NEDD9: variants seen among roughly 807,000 people sequenced by gnomAD.
NEDD9 encodes the protein neural precursor cell expressed, developmentally down-regulated 9, also known as enhancer of filamentation 1.
A neutral mutation model predicts 76.6 loss-of-function variants in NEDD9; 26 were observed. The ratio of observed to expected loss-of-function variants is 0.34; its 90% CI spans 0.25 to 0.47. NEDD9 has a LOEUF of 0.47. Ranked by LOEUF, NEDD9 falls within the 20% of genes least tolerant of loss-of-function variation. The pLI is 1.00. For synonymous variants in NEDD9, 392 were observed against 414.2 expected (o/e 0.95, Z 0.65); for missense variants, 937 against 1,058.5 (o/e 0.89, Z 1.59).
intron 3 of NEDD9, among the ~76,000 whole-genome samples, chr6:11,246,196 T>G (rs1325403631): frequency 6.6e-6 from 1 of 152,178 alleles, no homozygotes; most frequent in Non-Finnish European, 1.5e-5. Context: ...TACAGAACAT[T>G]CCAGCAAAAT....
rs1292607287 is a variant in NEDD9, at chr6:11,241,824, C to A, written c.13-28097G>T. 6.6e-6 allele frequency among the ~76,000 whole-genome samples: 1 copy of A among 152,216 alleles called. No individual in the cohort carries two copies. The highest frequency in any genetic ancestry group is 1.5e-5 in the Non-Finnish European group (1 of 68,042). The stretch of plus-strand genomic sequence containing the variant: ...TGAGGCCGGCCAATGTCCAGCAGGC[C>A]CCGGGCCCAGAGCCTCTGGCCTGTC... On this transcript the variant is annotated intron_variant, in intron 3 of 3. Coordinates refer to the NEDD9 transcript ENST00000397378. This position sits in a 1 kb window ranked among gnomAD's most constrained non-coding sequence, Gnocchi z 4.0.
chr6:11,270,688 G>A lies in NEDD9; in HGVS notation c.12+35304C>T, dbSNP rs115635252. Among the ~76,000 whole-genome samples, 606 of 152,302 alleles carry A rather than the reference G, an allele frequency of 4.0e-3. 4 individuals are homozygous for A. Among genetic ancestry groups the A allele is most frequent in the African/African-American group, 0.014 (582 of 41,554 alleles). On this transcript the variant is annotated intron_variant, in intron 3 of 3. Coordinates refer to the NEDD9 transcript ENST00000397378. The stretch of plus-strand genomic sequence containing the variant: ...GCAGCTGCTCTAATGCTCTCATCTG[G>A]TTCAGTGAAGTTACTTAACACAGCA...
At chr6:11,215,910 C>T (rs939783696) in intron 1 of NEDD9, among the ~76,000 whole-genome samples, 5 of 152,210 alleles carry the variant, frequency 3.3e-5, no homozygotes, top group Admixed American at 1.3e-4. Context: ...CTTCCAACTC[C>T]AAGAGCACCA....
At position 11,185,454 on chromosome 6, in the gene NEDD9, G is replaced by C; in HGVS notation, c.2213C>G (p.Pro738Arg). The change falls in exon 7 of 7, where the codon CCC (proline) becomes CGC (arginine). Residue 738 changes from proline (P) to arginine (R), a missense_variant. Physicochemically the swap from Pro to Arg is moderately radical, Grantham distance 103. Coordinates refer to ENST00000379446, the MANE Select transcript of NEDD9 (RefSeq NM_006403.4). The stretch of plus-strand genomic sequence containing the variant: ...GCTGTGTGCCACGAAGATTCGCGGG[G>C]GCTGGGCTGAGCTGACACAACTGAA... ...ALFSCVSSAQ[P>R]PRIFVAHSKF... 1 of 1,614,230 alleles carries C rather than the reference G, an allele frequency of 6.2e-7. No homozygotes were observed. The highest frequency in any genetic ancestry group is 8.5e-7 in the Non-Finnish European group (1 of 1,180,038).
intron 1 of NEDD9, among the ~76,000 whole-genome samples, chr6:11,223,893 G>C (rs1287481495): frequency 6.6e-6 from 1 of 152,138 alleles, no homozygotes; most frequent in East Asian, 1.9e-4. Context: ...TCCTGCAAAA[G>C]GCTGCTGTAA....
chr6:11,218,830 A>G lies in NEDD9; in HGVS notation c.13-5103T>C, dbSNP rs568932663. 3.3e-5 allele frequency among the ~76,000 whole-genome samples: 5 copies of G among 152,320 alleles called. No individual in the cohort carries two copies. The South Asian group carries it at 8.3e-4, about 25-fold the overall frequency. ...GACTATGGGAGACAGACAGCAGGAAAGGGCCTGCCCCTCCCTATTTAAACA... is the reference window on the plus strand; with the variant it reads ...GACTATGGGAGACAGACAGCAGGAAGGGGCCTGCCCCTCCCTATTTAAACA... On this transcript the variant is annotated intron_variant, in intron 1 of 6. Transcript: ENST00000379446.
At chr6:11,189,280 A>G (rs1438452057) in intron 5 of NEDD9, among the ~76,000 whole-genome samples, 1 of 152,220 alleles carries the variant, frequency 6.6e-6, no homozygotes, top group Non-Finnish European at 1.5e-5. Context: ...TGGAAGGGAA[A>G]GCTGTCGGAA....
chr6:11,287,075 A>G (rs1274015187), intron 3 of NEDD9, among the ~76,000 whole-genome samples: 1 of 152,232 alleles, frequency 6.6e-6, no homozygotes, highest in Non-Finnish European at 1.5e-5. Flanking sequence ...AAAATAATTT[A>G]TATTTTCAGT....
chr6:11,327,358 A>C (rs1241849223), intron 2 of NEDD9, among the ~76,000 whole-genome samples: 1 of 152,278 alleles, frequency 6.6e-6, no homozygotes, highest in Non-Finnish European at 1.5e-5. Flanking sequence ...TTTTGTCAGC[A>C]TTGAAATAAC....
At chr6:11,377,497 G>A (rs77903107) in intron 1 of NEDD9, among the ~76,000 whole-genome samples, 2 of 152,232 alleles carry the variant, frequency 1.3e-5, no homozygotes, top group African/African-American at 2.4e-5. Flanking sequence ...TACCCTGCTA[G>A]GTTTCAGATT....
chr6:11,189,069 C>A (rs1330036135), intron 5 of NEDD9, among the ~76,000 whole-genome samples: 1 of 151,980 alleles, frequency 6.6e-6, no homozygotes, highest in Admixed American at 6.6e-5. Context: ...GCCTCGGCCT[C>A]CCAAGTAGCT....
At chr6:11,377,268 C>T (rs966882044) in intron 1 of NEDD9, among the ~76,000 whole-genome samples, 3 of 152,338 alleles carry the variant, frequency 2.0e-5, no homozygotes, top group East Asian at 3.9e-4. Flanking sequence ...CCCTCTAGAA[C>T]CCAGAATAGC....
At chr6:11,209,982 C>CTTTTTTTTTTTTTTTTTTTTTT (rs1462229268) in intron 2 of NEDD9, among the ~76,000 whole-genome samples, 1 of 42,052 alleles carries the variant, frequency 2.4e-5, no homozygotes, top group African/African-American at 8.2e-5. Flanking sequence ...TTTTTTTTTC[C>CTTTTTTTTTTTTTTTTTTTTTT]TTAAGTGATT....
At chr6:11,187,549 G>A (rs1364028515) in intron 6 of NEDD9, among the ~76,000 whole-genome samples, 2 of 150,386 alleles carry the variant, frequency 1.3e-5, no homozygotes, top group African/African-American at 2.4e-5. Flanking sequence ...GAGACAGAAA[G>A]AGAGAGAGAG....
chr6:11,346,482 C>CG (rs1762366479), intron 1 of NEDD9, among the ~76,000 whole-genome samples: 1 of 151,286 alleles, frequency 6.6e-6, no homozygotes, highest in Admixed American at 6.6e-5. Context: ...CGGAGGCCCC[C>CG]CCCCCCGAGG....
chr6:11,366,873 C>T (rs1762780839), intron 1 of NEDD9, among the ~76,000 whole-genome samples: 1 of 152,002 alleles, frequency 6.6e-6, no homozygotes, highest in African/African-American at 2.4e-5. Context: ...ATAAACATGC[C>T]CCAGGACCAC....
At position 11,193,583 on chromosome 6, in the gene NEDD9, G is replaced by T. The variant is rs1320963330; in HGVS notation, c.561+8C>A. ...CTTCTCCTCTTGTGACCATGTTCTG[G>T]TACGCACCCCTTGAGTGGTATGAGA... is the stretch of plus-strand genomic sequence containing the variant. On this transcript the variant is annotated splice_region_variant and intron_variant, in intron 3 of 6. Transcript: ENST00000379446. 1.9e-6 allele frequency: 3 copies of T among 1,602,924 alleles called. No homozygotes were observed. The highest frequency in any genetic ancestry group is 2.7e-5 in the African/African-American group (2 of 74,654).
chr6:11,186,345 G>T (rs1365709036), intron 6 of NEDD9, among the ~76,000 whole-genome samples: 1 of 152,158 alleles, frequency 6.6e-6, no homozygotes, highest in African/African-American at 2.4e-5. Context: ...TTAAAAGAAG[G>T]GGGTTTTACC....
At chr6:11,204,536 G>A (rs1223690533) in intron 2 of NEDD9, among the ~76,000 whole-genome samples, 1 of 151,790 alleles carries the variant, frequency 6.6e-6, no homozygotes, top group Admixed American at 6.6e-5. Flanking sequence ...CCTTGCCAAC[G>A]TAGTGAAACT....
Sources: gnomAD v4.1 joint callset for allele counts (sites outside exome capture counted in the v4.1 genomes callset) on GRCh38, gnomAD v4.1.1 for gene constraint, Gnocchi (gnomAD v3.1) non-coding constraint, MANE v1.5 for transcripts, NCBI Gene and HGNC (gene_info 2026-07-23, HGNC 2026-07-21) for gene names.